Variants in CDH12 observed in about 807,000 individuals in gnomAD.
CDH12 encodes the protein cadherin-12.
CDH12 carries 41 observed loss-of-function variants against 74.1 expected under a neutral mutation model. The observed-to-expected ratio is 0.55, with a 90% confidence interval of 0.43 to 0.72. CDH12 has a LOEUF of 0.72. Ranked by LOEUF, CDH12 falls within the 30% of genes least tolerant of loss-of-function variation. CDH12 has a pLI of 0.00. For synonymous variants in CDH12, 399 were observed against 355.0 expected, an observed-to-expected ratio of 1.12 and a Z score of -1.39; for missense variants, 945 against 977.2, an observed-to-expected ratio of 0.97 and a Z score of 0.44.
At chr5:22,048,461 G>A (rs1280661340) in intron 5 of CDH12, among the ~76,000 whole-genome samples, 1 of 152,032 alleles carries the variant, frequency 6.6e-6, no homozygotes, top group Non-Finnish European at 1.5e-5. Context: ...TGTGTTCTGG[G>A]CATTTGCCAC....
chr5:21,942,347 T>TATATATATATAC (rs1225173229), intron 6 of CDH12, among the ~76,000 whole-genome samples: 7 of 129,676 alleles, frequency 5.4e-5, no homozygotes, highest in African/African-American at 2.2e-4. Context: ...TATATATATA[T>TATATATATATAC]ACACACACAC....
At chr5:22,647,819 C>T (rs920382810) in intron 1 of CDH12, among the ~76,000 whole-genome samples, 1 of 151,846 alleles carries the variant, frequency 6.6e-6, no homozygotes, top group African/African-American at 2.4e-5. Context: ...TATGTCAAAA[C>T]TAATATTCCA....
intron 3 of CDH12, among the ~76,000 whole-genome samples, chr5:22,317,905 T>C (rs1348807405): frequency 6.6e-6 from 1 of 152,214 alleles, no homozygotes; most frequent in African/African-American, 2.4e-5. Context: ...ATCTGTATTT[T>C]TGGCCTAAAA....
At chr5:21,904,340 A>G (rs552409891) in intron 6 of CDH12, among the ~76,000 whole-genome samples, 260 of 152,336 alleles carry the variant, frequency 1.7e-3, no homozygotes, top group African/African-American at 5.8e-3. Flanking sequence ...AAAAGGGGAG[A>G]GAACACAAGA....
chr5:22,023,035 C>A (rs977100021), intron 5 of CDH12, among the ~76,000 whole-genome samples: 2 of 152,120 alleles, frequency 1.3e-5, no homozygotes, highest in Admixed American at 1.3e-4. Flanking sequence ...TATTAACCCC[C>A]CCATTAACTC....
At chr5:22,110,919 A>G (rs1580266287) in intron 4 of CDH12, among the ~76,000 whole-genome samples, 2 of 152,142 alleles carry the variant, frequency 1.3e-5, no homozygotes, top group African/African-American at 4.8e-5. Context: ...ATAATTAAAG[A>G]CAACTTGAAG....
intron 3 of CDH12, among the ~76,000 whole-genome samples, chr5:22,329,999 T>G (rs1739279896): frequency 6.6e-6 from 1 of 152,208 alleles, no homozygotes; most frequent in South Asian, 2.1e-4. Flanking sequence ...GGGTGGCATG[T>G]GACCTATGGA....
At chr5:22,347,437 G>T (rs997956870) in intron 3 of CDH12, among the ~76,000 whole-genome samples, 2 of 152,164 alleles carry the variant, frequency 1.3e-5, no homozygotes, top group African/African-American at 4.8e-5. Flanking sequence ...TACACCAGCG[G>T]TTTGTCAGGG....
intron 2 of CDH12, among the ~76,000 whole-genome samples, chr5:22,481,695 G>A (rs1481214254): frequency 6.6e-6 from 1 of 152,138 alleles, no homozygotes; most frequent in Non-Finnish European, 1.5e-5. Flanking sequence ...GGAGCTGATG[G>A]AAGGAAGACA....
intron 2 of CDH12, among the ~76,000 whole-genome samples, chr5:22,483,477 T>C (rs1911956): frequency 0.94 from 142,252 of 151,248 alleles, 66,991 homozygotes; most frequent in Admixed American, 0.97. Flanking sequence ...CGAAGAAAAG[T>C]AAACAAGTAA....
intron 1 of CDH12, among the ~76,000 whole-genome samples, chr5:22,579,396 T>A (rs2126780085): frequency 6.6e-6 from 1 of 152,318 alleles, no homozygotes; most frequent in Admixed American, 6.5e-5. Flanking sequence ...TCTTAAAATA[T>A]TATTTCTATC....
chr5:21,800,763 T>TGGGGG (rs1393864548), intron 10 of CDH12, among the ~76,000 whole-genome samples: 2 of 152,122 alleles, frequency 1.3e-5, no homozygotes, highest in Non-Finnish European at 2.9e-5. Flanking sequence ...CTCATGGGAG[T>TGGGGG]GGGGGTGGTT....
chr5:22,599,417 A>C (rs138891356), intron 1 of CDH12, among the ~76,000 whole-genome samples: 4 of 152,222 alleles, frequency 2.6e-5, no homozygotes, highest in African/African-American at 7.2e-5. Context: ...AATCTAGCCT[A>C]GAAATAATGC....
At chr5:21,966,551 C>T (rs1373032937) in intron 6 of CDH12, among the ~76,000 whole-genome samples, 2 of 152,116 alleles carry the variant, frequency 1.3e-5, no homozygotes, top group East Asian at 3.9e-4. Flanking sequence ...AGTTCTAGCT[C>T]CAGTACCTAA....
intron 5 of CDH12, among the ~76,000 whole-genome samples, chr5:22,005,699 T>A (rs2150147976): frequency 6.6e-6 from 1 of 152,304 alleles, no homozygotes; most frequent in East Asian, 1.9e-4. Flanking sequence ...AGATATTGCC[T>A]GTTTTACACT....
intron 1 of CDH12, among the ~76,000 whole-genome samples, chr5:22,543,338 G>A (rs959788488): frequency 9.2e-5 from 14 of 152,180 alleles, no homozygotes; most frequent in African/African-American, 3.4e-4. Context: ...AGCATACAAT[G>A]TTTTATTGAA....
chr5:22,618,126 C>T (rs1234514267), intron 1 of CDH12, among the ~76,000 whole-genome samples: 1 of 151,920 alleles, frequency 6.6e-6, no homozygotes, highest in Non-Finnish European at 1.5e-5. Context: ...GACATAGACT[C>T]TTTTTAAGAC....
intron 2 of CDH12, among the ~76,000 whole-genome samples, chr5:22,426,473 T>C (rs1426629730): frequency 6.6e-6 from 1 of 152,008 alleles, no homozygotes; most frequent in Non-Finnish European, 1.5e-5. Context: ...TGACTTCCCA[T>C]GAGACAAAAT....
intron 1 of CDH12, among the ~76,000 whole-genome samples, chr5:22,812,945 C>A (rs1749220267): frequency 6.6e-6 from 1 of 151,990 alleles, no homozygotes; most frequent in Non-Finnish European, 1.5e-5. Flanking sequence ...AAGAAATGAT[C>A]GCTGAGATCA....
Sources: allele counts gnomAD v4.1 joint callset (sites outside exome capture counted in the v4.1 genomes callset), GRCh38; gene constraint gnomAD v4.1.1; transcripts MANE v1.5; gene names NCBI Gene and HGNC (gene_info 2026-07-23, HGNC 2026-07-21).